The following TMEM132D variants were observed in gnomAD, a reference collection of about 807,000 sequenced individuals.
The protein encoded by TMEM132D is mature OL transmembrane protein.
In TMEM132D, 21 loss-of-function variants were observed where a neutral mutation model predicts 62.3. That is an observed-to-expected ratio of 0.34 (90% CI 0.24 to 0.49). The LOEUF (loss-of-function observed/expected upper bound fraction) is 0.49, where lower values mean the gene tolerates loss of function less well. TMEM132D is among the 20% of genes least tolerant of loss of function. The pLI is 0.99. For missense variants in TMEM132D, 1,346 were observed against 1,402.8 expected (o/e 0.96, Z 0.65); for synonymous variants, 621 against 575.6 (o/e 1.08, Z -1.13).
intron 1 of TMEM132D, among the ~76,000 whole-genome samples, chr12:129,890,000 A>G (rs1874869290): frequency 1.3e-5 from 2 of 152,202 alleles, no homozygotes. Flanking sequence ...CATGTACGAG[A>G]TATTCTAACG....
At chr12:129,663,408 G>A (rs908470698) in intron 2 of TMEM132D, among the ~76,000 whole-genome samples, 5 of 152,174 alleles carry the variant, frequency 3.3e-5, no homozygotes, top group Non-Finnish European at 7.3e-5. Context: ...AAAGTACTGG[G>A]ATTACAGGCA....
rs1877280419 is a variant in TMEM132D, at chr12:129,563,061, T to G, written c.969-31856A>C. On this transcript the variant is annotated intron_variant, in intron 2 of 8. Coordinates refer to ENST00000422113, the MANE Select transcript of TMEM132D (RefSeq NM_133448.3). ...TTTCATCAAGATAGCCCTGGCCTTGTGTGTACTACGTGATCAACAAGTATG... is the reference window on the plus strand; with the variant it reads ...TTTCATCAAGATAGCCCTGGCCTTGGGTGTACTACGTGATCAACAAGTATG... Among the ~76,000 whole-genome samples the G allele has an allele frequency of 2.6e-5, 4 of 152,318 alleles. 1 individual carries two copies. In the South Asian group the frequency reaches 8.3e-4, roughly 32 times the overall value.
Position 129,578,043 on chromosome 12 carries a change from C to T in TMEM132D, c.969-46838G>A, listed in dbSNP as rs573380315. On this transcript the variant is annotated intron_variant, in intron 2 of 8. Transcript: ENST00000422113. ...AAAAGGCAGACGAAGGGTCCATTTTCTCTCTCTCTCTCTTCTTGAGCTGGG... is the reference window on the plus strand; with the variant it reads ...AAAAGGCAGACGAAGGGTCCATTTTTTCTCTCTCTCTCTTCTTGAGCTGGG... Among the ~76,000 whole-genome samples, 35 of 151,532 alleles carry T rather than the reference C, an allele frequency of 2.3e-4. No homozygotes were observed. In the East Asian group the frequency reaches 6.2e-3, roughly 27 times the overall value.
intron 3 of TMEM132D, among the ~76,000 whole-genome samples, chr12:129,396,465 A>G (rs987461311): frequency 7.2e-5 from 11 of 152,230 alleles, no homozygotes; most frequent in African/African-American, 2.7e-4. Context: ...CATCCATAAG[A>G]GAAATTGGCT....
intron 3 of TMEM132D, among the ~76,000 whole-genome samples, chr12:129,408,509 C>T (rs1482874201): frequency 5.3e-5 from 8 of 150,484 alleles, no homozygotes; most frequent in African/African-American, 1.2e-4. Context: ...TCCCCTTTAG[C>T]AAAGTTGGGG....
intron 3 of TMEM132D, among the ~76,000 whole-genome samples, chr12:129,363,207 C>T (rs766241888): frequency 6.6e-6 from 1 of 152,210 alleles, no homozygotes; most frequent in South Asian, 2.1e-4. Flanking sequence ...GACATCACAG[C>T]TCACATGTGA....
intron 5 of TMEM132D, chr12:129,113,223 G>T (rs1476097366): frequency 2.0e-5 from 3 of 152,132 alleles, no homozygotes; most frequent in Admixed American, 6.5e-5. Context: ...TCAGTCAGTT[G>T]GAGGGATGGA....
chr12:129,394,112 C>T (rs557579218), intron 3 of TMEM132D, among the ~76,000 whole-genome samples: 2 of 152,262 alleles, frequency 1.3e-5, no homozygotes, highest in Middle Eastern at 3.4e-3. Flanking sequence ...TGGCACGGCA[C>T]GTTTTTCAGC....
chr12:129,556,639 A>G (rs962856353), intron 2 of TMEM132D, among the ~76,000 whole-genome samples: 2 of 152,230 alleles, frequency 1.3e-5, no homozygotes, highest in Non-Finnish European at 2.9e-5. Context: ...CTGGTAGTCC[A>G]ATAACCTAGT....
chr12:129,235,379 C>A (rs950051473), intron 4 of TMEM132D, among the ~76,000 whole-genome samples: 2 of 149,536 alleles, frequency 1.3e-5, no homozygotes, highest in Admixed American at 6.8e-5. Flanking sequence ...GTGGGCAATT[C>A]TTTCTCTCAG....
chr12:129,456,202 G>T (rs553296980), intron 3 of TMEM132D, among the ~76,000 whole-genome samples: 9 of 152,178 alleles, frequency 5.9e-5, no homozygotes, highest in African/African-American at 2.2e-4. Flanking sequence ...ATTTCTGAAT[G>T]TCTAAACTAG....
intron 2 of TMEM132D, among the ~76,000 whole-genome samples, chr12:129,581,420 G>A (rs1043104713): frequency 2.0e-5 from 3 of 152,164 alleles, no homozygotes; most frequent in Non-Finnish European, 2.9e-5. Context: ...ACCATAGGCC[G>A]TCTGGAAGCT....
rs140313055 is a variant in TMEM132D, at chr12:129,211,023, T to C, written c.1300-1360A>G. On this transcript the variant is annotated intron_variant, in intron 4 of 8. Coordinates refer to ENST00000422113, the MANE Select transcript of TMEM132D (RefSeq NM_133448.3). ...AGATCATAGGAGCCCATTTTTCAGA[T>C]AGAGAAAACTGAGCCTCAAGACCCG... 9.2e-5 allele frequency: 14 copies of C among 152,290 alleles called. No homozygotes were observed. In the East Asian group the frequency reaches 1.2e-3, roughly 13 times the overall value. The allele number at this position is 152,290 out of a possible 1,614,324, so 9.4% of individuals were successfully genotyped here.
intron 4 of TMEM132D, among the ~76,000 whole-genome samples, chr12:129,227,729 C>T (rs145052447): frequency 0.012 from 1,857 of 152,044 alleles, 33 homozygotes; most frequent in African/African-American, 0.042. Flanking sequence ...GGTATATCTC[C>T]TAATGCTATC....
intron 2 of TMEM132D, among the ~76,000 whole-genome samples, chr12:129,643,592 C>T (rs559437264): frequency 1.4e-4 from 22 of 152,188 alleles, no homozygotes; most frequent in African/African-American, 4.8e-4. Context: ...ATCTTGGGGC[C>T]CCCAAATCAC....
intron 5 of TMEM132D, among the ~76,000 whole-genome samples, chr12:129,114,645 G>C (rs541899931): frequency 3.7e-4 from 57 of 152,174 alleles, no homozygotes; most frequent in African/African-American, 1.3e-3. Context: ...CTGTCATCCT[G>C]CCAGAAGCCC....
At chr12:129,367,356 C>T (rs932667768) in intron 3 of TMEM132D, among the ~76,000 whole-genome samples, 1 of 152,166 alleles carries the variant, frequency 6.6e-6, no homozygotes, top group Non-Finnish European at 1.5e-5. Context: ...AGAGAATAAA[C>T]ACTACACACA....
At chr12:129,126,450 T>C (rs1419226317) in intron 5 of TMEM132D, among the ~76,000 whole-genome samples, 1 of 151,392 alleles carries the variant, frequency 6.6e-6, no homozygotes, top group Non-Finnish European at 1.5e-5. Flanking sequence ...GAGAGAAACA[T>C]CGAGAGCAGT....
rs59425661 is a variant in TMEM132D at position 129,123,980 on chromosome 12, A to G, written c.1444-39278T>C. On this transcript the variant is annotated intron_variant, in intron 5 of 8. Coordinates refer to ENST00000422113, the MANE Select transcript of TMEM132D (RefSeq NM_133448.3). ...GGTCTCCAGCTGCAGAAGGAGGATC[A>G]TGGGACTTCTCAGCCTCCATAACTG... Among the ~76,000 whole-genome samples the G allele has an allele frequency of 8.7e-4, 132 of 152,304 alleles. No homozygotes were observed. The East Asian group carries it at 0.022, about 26-fold the overall frequency.
Sources: gnomAD v4.1 joint callset for allele counts (sites outside exome capture counted in the v4.1 genomes callset) on GRCh38, gnomAD v4.1.1 for gene constraint, MANE v1.5 for transcripts, NCBI Gene and HGNC (gene_info 2026-07-23, HGNC 2026-07-21) for gene names.